The following SRBD1 variants were observed in gnomAD, a reference collection of about 807,000 sequenced individuals.
The protein encoded by SRBD1 is S1 RNA binding domain 1.
In SRBD1, 88 loss-of-function variants were observed where a neutral mutation model predicts 115.3. The ratio of observed to expected loss-of-function variants is 0.76; its 90% CI spans 0.64 to 0.91. The LOEUF (loss-of-function observed/expected upper bound fraction) is 0.91, where lower values mean the gene tolerates loss of function less well. SRBD1 is among the 40% of genes least tolerant of loss of function. The pLI is 0.00. For synonymous variants in SRBD1, 509 were observed against 407.7 expected, an observed-to-expected ratio of 1.25 and a Z score of -2.99; for missense variants, 1,385 against 1,177.4, an observed-to-expected ratio of 1.18 and a Z score of -2.58.
intron 19 of SRBD1, among the ~76,000 whole-genome samples, chr2:45,394,643 A>T (rs1667094950): frequency 6.6e-6 from 1 of 152,232 alleles, no homozygotes; most frequent in African/African-American, 2.4e-5. Flanking sequence ...GTCTCTTCAC[A>T]GTGATACTCT....
chr2:45,539,065 T>G (rs1157232405), intron 14 of SRBD1, among the ~76,000 whole-genome samples: 1 of 152,168 alleles, frequency 6.6e-6, no homozygotes. Flanking sequence ...TATCTATTTT[T>G]TTTTATGGTC....
At chr2:45,446,577 A>T (rs141605436) in intron 16 of SRBD1, among the ~76,000 whole-genome samples, 24 of 152,184 alleles carry the variant, frequency 1.6e-4, no homozygotes, top group African/African-American at 5.8e-4. Context: ...TTGAATAAGA[A>T]ATCAAATATA....
rs183819532 is a variant in SRBD1, at chr2:45,398,260, A to C, written c.2514-5131T>G. On this transcript the variant is annotated intron_variant, in intron 19 of 20. Transcript: ENST00000263736. ...GAAAGCTCTTCCAGACTCTGATGAG[A>C]GAATATAGTTTTAAAATGCATGCAG... Among the ~76,000 whole-genome samples, 1,092 of 152,244 alleles carry C rather than the reference A, an allele frequency of 7.2e-3. 8 individuals are homozygous for C. The highest frequency in any genetic ancestry group is 0.017 in the South Asian group (82 of 4,820).
At chr2:45,511,031 G>A (rs1390966428) in intron 14 of SRBD1, among the ~76,000 whole-genome samples, 1 of 152,192 alleles carries the variant, frequency 6.6e-6, no homozygotes, top group African/African-American at 2.4e-5. Context: ...CATGAGTATT[G>A]CGAACCAACA....
At chr2:45,556,341 C>T (rs1040845083) in intron 10 of SRBD1, among the ~76,000 whole-genome samples, 2 of 149,116 alleles carry the variant, frequency 1.3e-5, no homozygotes, top group Non-Finnish European at 3.0e-5. Context: ...AATGTAAAAA[C>T]AGAAATAAAT....
At chr2:45,468,914 T>G (rs1669570343) in intron 16 of SRBD1, among the ~76,000 whole-genome samples, 1 of 152,208 alleles carries the variant, frequency 6.6e-6, no homozygotes, top group Admixed American at 6.6e-5. Flanking sequence ...GACTAATTTT[T>G]GACAGCCTGA....
Position 45,429,638 on chromosome 2 carries a change from C to T in SRBD1, c.2050-9744G>A, listed in dbSNP as rs866751368. Among the ~76,000 whole-genome samples the T allele has an allele frequency of 9.9e-5, 15 of 152,222 alleles. No individual in the cohort carries two copies. The South Asian group carries it at 1.5e-3, about 15-fold the overall frequency. ...CTTAATAAACTAGGTATTTATGCAA[C>T]GTATCTCAAAATAATAAGAGCTGTT... On this transcript the variant is annotated intron_variant, in intron 16 of 20. Coordinates refer to ENST00000263736, the MANE Select transcript of SRBD1 (RefSeq NM_018079.5).
chr2:45,564,960 A>G (rs1198508770), intron 9 of SRBD1, among the ~76,000 whole-genome samples: 1 of 152,214 alleles, frequency 6.6e-6, no homozygotes, highest in Non-Finnish European at 1.5e-5. Flanking sequence ...AAACTACAAA[A>G]CATTGTTGAA....
intron 6 of SRBD1, 81 bp from the exon 7 acceptor site, chr2:45,580,094 G>A (rs1333421305): frequency 8.7e-7 from 1 of 1,154,800 alleles, no homozygotes; most frequent in Admixed American, 3.0e-5. Context: ...TAGAGGACAT[G>A]CTGAGAATGC....
At chr2:45,453,749 A>G (rs1669067760) in intron 16 of SRBD1, among the ~76,000 whole-genome samples, 1 of 151,980 alleles carries the variant, frequency 6.6e-6, no homozygotes, top group African/African-American at 2.4e-5. Context: ...GATGAAAAAC[A>G]AAACTCAGAA....
At chr2:45,530,611 GA>G (rs1228881764) in intron 14 of SRBD1, among the ~76,000 whole-genome samples, 1 of 152,002 alleles carries the variant, frequency 6.6e-6, no homozygotes, top group African/African-American at 2.4e-5. Context: ...TCCTATATAT[GA>G]AAGAAGATGC....
At chr2:45,418,318 C>A in intron 18 of SRBD1, 47 bp downstream of exon 18, 1 of 1,591,380 alleles carries the variant, frequency 6.3e-7, no homozygotes, top group Non-Finnish European at 8.6e-7. Flanking sequence ...GTAACAGTAA[C>A]AAGAGAGGAG....
intron 16 of SRBD1, among the ~76,000 whole-genome samples, chr2:45,437,012 A>G (rs1481636389): frequency 2.0e-5 from 3 of 152,212 alleles, no homozygotes; most frequent in Non-Finnish European, 4.4e-5. Context: ...AACACAGTAC[A>G]TTTACATTAG....
intron 16 of SRBD1, among the ~76,000 whole-genome samples, chr2:45,426,158 G>A (rs1395444957): frequency 6.6e-6 from 1 of 152,170 alleles, no homozygotes; most frequent in Non-Finnish European, 1.5e-5. Flanking sequence ...CTAGAGCTTG[G>A]TGGGGGGAGA....
chr2:45,602,392 T>A (rs1225187640), intron 2 of SRBD1, among the ~76,000 whole-genome samples: 2 of 152,218 alleles, frequency 1.3e-5, no homozygotes, highest in Non-Finnish European at 2.9e-5. Flanking sequence ...CTTAAGTAAT[T>A]TACTGGGTCA....
intron 4 of SRBD1, among the ~76,000 whole-genome samples, chr2:45,599,126 T>C (rs537169227): frequency 4.5e-4 from 68 of 152,292 alleles, no homozygotes; most frequent in African/African-American, 1.6e-3. Flanking sequence ...GAAAATACAG[T>C]CCAAGTTCAA....
At chr2:45,601,435 G>A (rs1010822533) in intron 3 of SRBD1, among the ~76,000 whole-genome samples, 5 of 152,198 alleles carry the variant, frequency 3.3e-5, no homozygotes, top group African/African-American at 1.2e-4. Flanking sequence ...AAACACCCAA[G>A]AGAGATATAT....
intron 14 of SRBD1, among the ~76,000 whole-genome samples, chr2:45,513,093 C>G (rs144204144): frequency 2.6e-5 from 4 of 152,254 alleles, no homozygotes; most frequent in African/African-American, 9.6e-5. Flanking sequence ...TATATACCCC[C>G]ATGGCCTCAA....
intron 14 of SRBD1, among the ~76,000 whole-genome samples, chr2:45,515,925 C>G (rs1471441431): frequency 6.6e-6 from 1 of 152,156 alleles, no homozygotes; most frequent in Non-Finnish European, 1.5e-5. Context: ...CACTCCATGA[C>G]AAGTCCCACA....
Sources: gnomAD v4.1 joint callset for allele counts (sites outside exome capture counted in the v4.1 genomes callset) on GRCh38, gnomAD v4.1.1 for gene constraint, MANE v1.5 for transcripts, NCBI Gene and HGNC (gene_info 2026-07-23, HGNC 2026-07-21) for gene names.